The following CNOT10 variants were observed in gnomAD, a reference collection of about 807,000 sequenced individuals.
CNOT10 encodes CCR4-NOT transcription complex, subunit 10.
In CNOT10, 30 loss-of-function variants were observed where a neutral mutation model predicts 94.6. The observed-to-expected ratio is 0.32, with a 90% CI of 0.24 to 0.43. CNOT10 has a LOEUF of 0.43. CNOT10 is among the 20% of genes least tolerant of loss of function. CNOT10 has a pLI of 1.00. For missense variants in CNOT10, 759 were observed against 877.2 expected (o/e 0.87, Z 1.70); for synonymous variants, 289 against 301.6 (o/e 0.96, Z 0.43).
At chr3:32,691,554 G>A (rs576000211) in intron 1 of CNOT10, among the ~76,000 whole-genome samples, 1 of 152,020 alleles carries the variant, frequency 6.6e-6, no homozygotes, top group African/African-American at 2.4e-5. Flanking sequence ...TGATCTGCCC[G>A]CCTCGGCCTC....
chr3:32,719,189 C>T (rs577757412), intron 7 of CNOT10, among the ~76,000 whole-genome samples: 3 of 152,320 alleles, frequency 2.0e-5, no homozygotes, highest in South Asian at 4.1e-4. Context: ...GCGGAGGTTG[C>T]AGTGAGCCGA....
intron 5 of CNOT10, among the ~76,000 whole-genome samples, chr3:32,714,634 G>A (rs149936270): frequency 2.6e-4 from 40 of 152,232 alleles, no homozygotes; most frequent in African/African-American, 9.6e-4. Context: ...ACTTGAAACT[G>A]GGAGGCGGAG....
At chr3:32,755,233 C>T (rs1423211432) in intron 13 of CNOT10, among the ~76,000 whole-genome samples, 5 of 147,646 alleles carry the variant, frequency 3.4e-5, no homozygotes, top group Admixed American at 1.4e-4. Context: ...GTGACAAGAG[C>T]GAAACTCCAT....
chr3:32,762,986 C>A, intron 15 of CNOT10, 123 bp downstream of exon 15: 1 of 1,016,422 alleles, frequency 9.8e-7, no homozygotes, highest in Non-Finnish European at 1.4e-6. Context: ...TGGCTTTCCA[C>A]ATTTTTGTCT....
intron 10 of CNOT10, 118 bp from the exon 11 acceptor site, chr3:32,733,305 C>T (rs566520034): frequency 2.2e-5 from 16 of 741,502 alleles, no homozygotes; most frequent in Non-Finnish European, 2.9e-5. Flanking sequence ...CAAAAAAAGT[C>T]CTCATTGACT....
chr3:32,754,859 A>T (rs1000841443), intron 13 of CNOT10, among the ~76,000 whole-genome samples: 2 of 150,326 alleles, frequency 1.3e-5, no homozygotes, highest in Non-Finnish European at 3.0e-5. Context: ...CTCTGGGCAT[A>T]CTGCCTGTGG....
At chr3:32,710,414 C>G in intron 4 of CNOT10, among the ~76,000 whole-genome samples, 1 of 151,798 alleles carries the variant, frequency 6.6e-6, no homozygotes, top group Non-Finnish European at 1.5e-5. Flanking sequence ...ACATCCATAG[C>G]CTCCCTCATT....
chr3:32,721,413 C>G (rs552863710), intron 8 of CNOT10, among the ~76,000 whole-genome samples: 190 of 129,348 alleles, frequency 1.5e-3, no homozygotes, highest in Non-Finnish European at 2.3e-3. Context: ...GAAGTGAGAC[C>G]TAATTTTTCT....
At chr3:32,754,448 G>T in intron 13 of CNOT10, among the ~76,000 whole-genome samples, 1 of 118,770 alleles carries the variant, frequency 8.4e-6, no homozygotes. Context: ...CTGCACTCCA[G>T]CCTGGGCGAC....
chr3:32,773,379 A>G (rs1198399358), intron 18 of CNOT10, 78 bp from the exon 19 acceptor site: 2 of 1,435,588 alleles, frequency 1.4e-6, no homozygotes, highest in African/African-American at 1.4e-5. Flanking sequence ...TTACCTCCCC[A>G]GCAGGATTTT....
intron 3 of CNOT10, among the ~76,000 whole-genome samples, chr3:32,705,279 T>C (rs1697563121): frequency 1.3e-5 from 2 of 152,184 alleles, no homozygotes; most frequent in African/African-American, 4.8e-5. Context: ...ATCTTGTTTA[T>C]AATGAAAAAA....
rs201087612 is a variant in CNOT10, at chr3:32,717,188, T to A, written c.695T>A (p.Leu232Gln). 44 of 1,610,244 alleles carry A rather than the reference T, an allele frequency of 2.7e-5. No homozygotes were observed. In the East Asian group the frequency reaches 9.9e-4, roughly 36 times the overall value. Reference sequence around the variant, plus strand: ...CGAGCTTATATCCAAATGAAGTCTCTGAAAGCATGTAAAAGGGAAATCAAG... The same window carrying A: ...CGAGCTTATATCCAAATGAAGTCTCAGAAAGCATGTAAAAGGGAAATCAAG... ...KVRAYIQMKSLKACKREIKSV... is the reference protein window; with the variant it reads ...KVRAYIQMKSQKACKREIKSV... Residue 232 changes from leucine to glutamine, a missense_variant, in exon 7 of 19, where the codon CTG (leucine) becomes CAG (glutamine). Transcript: ENST00000328834.
chr3:32,695,770 G>A (rs142551166), intron 1 of CNOT10: 50 of 1,535,856 alleles, frequency 3.3e-5, no homozygotes, highest in Non-Finnish European at 4.1e-5. Flanking sequence ...AATTGGCAAC[G>A]GAGACTACTT....
chr3:32,710,433 C>T (rs768824577), intron 4 of CNOT10, among the ~76,000 whole-genome samples: 1 of 152,018 alleles, frequency 6.6e-6, no homozygotes, highest in Non-Finnish European at 1.5e-5. Flanking sequence ...TTACCACAAT[C>T]CCTCAACAGT....
At chr3:32,757,647 T>G (rs531679368) in intron 13 of CNOT10, among the ~76,000 whole-genome samples, 1 of 152,336 alleles carries the variant, frequency 6.6e-6, no homozygotes, top group African/African-American at 2.4e-5. Context: ...AGAAATTAAG[T>G]CACCAGTCTT....
At chr3:32,738,886 C>T (rs1447529551) in intron 13 of CNOT10, among the ~76,000 whole-genome samples, 1 of 150,986 alleles carries the variant, frequency 6.6e-6, no homozygotes, top group African/African-American at 2.4e-5. Context: ...GTAGAATCTG[C>T]AGTTATACCT....
At chr3:32,725,187 GAA>G (rs781405481) in intron 8 of CNOT10, among the ~76,000 whole-genome samples, 1 of 149,600 alleles carries the variant, frequency 6.7e-6, no homozygotes, top group Non-Finnish European at 1.5e-5. Flanking sequence ...TTTAAAAAAG[GAA>G]AAAAAAATCC....
chr3:32,728,782 A>G (rs1313252524), intron 10 of CNOT10, among the ~76,000 whole-genome samples: 1 of 151,986 alleles, frequency 6.6e-6, no homozygotes, highest in Non-Finnish European at 1.5e-5. Flanking sequence ...TGGCGTAAGA[A>G]TAGTGTGTAG....
chr3:32,725,624 T>C, intron 9 of CNOT10, 25 bp downstream of exon 9: 1 of 1,568,092 alleles, frequency 6.4e-7, no homozygotes, highest in African/African-American at 1.4e-5. Flanking sequence ...GGGGGACAGT[T>C]TGTATTTACT....
Sources: gnomAD v4.1 joint callset for allele counts (sites outside exome capture counted in the v4.1 genomes callset) on GRCh38, gnomAD v4.1.1 for gene constraint, MANE v1.5 for transcripts, NCBI Gene and HGNC (gene_info 2026-07-23, HGNC 2026-07-21) for gene names.